Variants in PALM2AKAP2 observed in about 807,000 individuals in gnomAD.
PALM2AKAP2 encodes the protein PALM2-AKAP2 fusion protein.
PALM2AKAP2 carries 37 observed loss-of-function variants against 71.5 expected under a neutral mutation model. The observed-to-expected ratio is 0.52, with a 90% confidence interval of 0.40 to 0.68. The LOEUF is 0.68. Among genes scored for constraint, PALM2AKAP2 ranks in the 30% least tolerant of loss-of-function variants. The pLI is 0.00. For missense variants in PALM2AKAP2, 1,224 were observed against 1,191.8 expected (o/e 1.03, Z -0.40); for synonymous variants, 468 against 478.8 (o/e 0.98, Z 0.29).
intron 1 of PALM2AKAP2, among the ~76,000 whole-genome samples, chr9:110,063,585 G>T (rs901738254): frequency 1.9e-4 from 29 of 151,762 alleles, no homozygotes; most frequent in African/African-American, 6.8e-4. Context: ...GATTACAGGT[G>T]CCCACCACCA....
chr9:109,681,982 A>G (rs768414276), intron 1 of PALM2AKAP2, among the ~76,000 whole-genome samples: 1 of 152,216 alleles, frequency 6.6e-6, no homozygotes, highest in South Asian at 2.1e-4. Context: ...CAATAATGCT[A>G]ACCTGAAGCC....
At chr9:109,905,607 G>A (rs1587998424) in intron 3 of PALM2AKAP2, among the ~76,000 whole-genome samples, 1 of 152,366 alleles carries the variant, frequency 6.6e-6, no homozygotes, top group South Asian at 2.1e-4. Flanking sequence ...CAGGAGAAAA[G>A]TTTCAGCATT....
At chr9:109,726,026 G>T (rs939989178) in intron 1 of PALM2AKAP2, among the ~76,000 whole-genome samples, 1 of 152,076 alleles carries the variant, frequency 6.6e-6, no homozygotes, top group Non-Finnish European at 1.5e-5. Flanking sequence ...CTATAGCTCT[G>T]CCCATCACCC....
chr9:110,043,841 C>T (rs1288705321), upstream of PALM2AKAP2, among the ~76,000 whole-genome samples: 1 of 150,796 alleles, frequency 6.6e-6, no homozygotes, highest in Non-Finnish European at 1.5e-5. Flanking sequence ...CCATCTCAGC[C>T]TCCCAAGCAG....
rs767440591 is a variant in PALM2AKAP2, at chr9:110,138,383, CA to C, written c.2414del (p.Gln805ArgfsTer6). 1 of 1,614,220 alleles carries C rather than the reference CA, an allele frequency of 6.2e-7. No individual in the cohort carries two copies. Among genetic ancestry groups the C allele is most frequent in the East Asian group, 2.2e-5 (1 of 44,888 alleles). Reference sequence around the variant, plus strand: ...GCCTTTCAAGCTGAGGTCCAGGAAACAGCGGACTTTGTCCATGATTGAGGAA... The same window carrying C: ...GCCTTTCAAGCTGAGGTCCAGGAAACGCGGACTTTGTCCATGATTGAGGAA... On this transcript the variant is annotated frameshift_variant, in exon 2 of 4. Transcript: ENST00000374525. LOFTEE classifies it high-confidence loss of function.
intron 1 of PALM2AKAP2, among the ~76,000 whole-genome samples, chr9:109,718,107 G>T (rs1828353320): frequency 6.6e-6 from 1 of 151,866 alleles, no homozygotes; most frequent in Non-Finnish European, 1.5e-5. Flanking sequence ...CTGAGACAGG[G>T]TCTCATTCTG....
At chr9:110,128,281 A>T (rs978663945) in intron 1 of PALM2AKAP2, among the ~76,000 whole-genome samples, 1 of 152,194 alleles carries the variant, frequency 6.6e-6, no homozygotes, top group Non-Finnish European at 1.5e-5. Flanking sequence ...TTTAGGAAGA[A>T]CCTCTCTAAA....
At chr9:109,896,242 C>T (rs978947901) in intron 3 of PALM2AKAP2, among the ~76,000 whole-genome samples, 1 of 152,046 alleles carries the variant, frequency 6.6e-6, no homozygotes, top group African/African-American at 2.4e-5. Context: ...CTCACTATCA[C>T]GAGAACAGTA....
chr9:110,128,007 T>C (rs1195370786), intron 1 of PALM2AKAP2: 2 of 152,156 alleles, frequency 1.3e-5, no homozygotes, highest in Admixed American at 6.5e-5. Context: ...TGCTTATGGA[T>C]CCAAGGTAGT....
rs750852855 is a variant in PALM2AKAP2 at position 110,137,080 on chromosome 9, G to GC, written c.1110_1111insC (p.Lys371GlnfsTer23). The GC allele has an allele frequency of 1.9e-6, 3 of 1,612,338 alleles. No individual in the cohort carries two copies. Among genetic ancestry groups the GC allele is most frequent in the Non-Finnish European group, 2.5e-6 (3 of 1,178,752 alleles). ...CACAGCAGGAACAGTTGCTGCTGCA[G>GC]AAGCAGTTACAGCAGCAGCAGCAGC... On this transcript the variant is annotated frameshift_variant, in exon 2 of 4. Coordinates refer to ENST00000374525, the Ensembl canonical transcript of PALM2AKAP2. LOFTEE classifies it high-confidence loss of function.
chr9:110,170,531 A>C (rs930020734), exon 4 of PALM2AKAP2: 2 of 152,240 alleles, frequency 1.3e-5, no homozygotes, highest in Admixed American at 6.5e-5. Flanking sequence ...GGGAGCTCTA[A>C]CTTGAAGCCA....
At chr9:110,139,286 A>G (rs1396318155) in intron 2 of PALM2AKAP2, among the ~76,000 whole-genome samples, 2 of 152,208 alleles carry the variant, frequency 1.3e-5, no homozygotes. Context: ...TTGCTACCAT[A>G]TGGATAACAG....
At chr9:109,796,660 G>A (rs941628412) in intron 1 of PALM2AKAP2, among the ~76,000 whole-genome samples, 4 of 151,464 alleles carry the variant, frequency 2.6e-5, no homozygotes, top group Non-Finnish European at 5.9e-5. Flanking sequence ...GGTGGAAGGG[G>A]AAGCAGGCAC....
At chr9:109,820,558 A>G (rs1827968483) in intron 1 of PALM2AKAP2, among the ~76,000 whole-genome samples, 1 of 152,260 alleles carries the variant, frequency 6.6e-6, no homozygotes. Flanking sequence ...AAAGGAGATG[A>G]CCCAAACATT....
chr9:110,109,330 A>C (rs1835187614), intron 1 of PALM2AKAP2, among the ~76,000 whole-genome samples: 1 of 145,054 alleles, frequency 6.9e-6, no homozygotes, highest in Non-Finnish European at 1.5e-5. Flanking sequence ...AAAAAAAAAA[A>C]AAAAAACCAG....
At chr9:110,003,371 G>A (rs1182041362) in intron 6 of PALM2AKAP2, among the ~76,000 whole-genome samples, 2 of 152,118 alleles carry the variant, frequency 1.3e-5, no homozygotes, top group African/African-American at 4.8e-5. Context: ...CTGAGTTCTA[G>A]TTTGATTGCA....
At chr9:110,061,048 C>A (rs1223168782) in intron 1 of PALM2AKAP2, among the ~76,000 whole-genome samples, 1 of 152,210 alleles carries the variant, frequency 6.6e-6, no homozygotes, top group Non-Finnish European at 1.5e-5. Context: ...CCTCTCCCAG[C>A]CCACACCTTC....
At chr9:110,082,632 C>T (rs1834475303) in intron 1 of PALM2AKAP2, among the ~76,000 whole-genome samples, 1 of 152,096 alleles carries the variant, frequency 6.6e-6, no homozygotes, top group Admixed American at 6.5e-5. Flanking sequence ...CTACTTGCGC[C>T]CACCACCAAA....
intron 6 of PALM2AKAP2, among the ~76,000 whole-genome samples, chr9:110,006,629 C>T (rs1184950277): frequency 7.9e-5 from 12 of 152,052 alleles, no homozygotes; most frequent in Admixed American, 6.6e-4. Context: ...TCCCAAAGTG[C>T]TGGGATTACA....
Sources: gnomAD v4.1 joint callset for allele counts (sites outside exome capture counted in the v4.1 genomes callset) on GRCh38, gnomAD v4.1.1 for gene constraint, MANE v1.5 for transcripts, NCBI Gene and HGNC (gene_info 2026-07-23, HGNC 2026-07-21) for gene names.